RDX: variants seen among roughly 807,000 people sequenced by gnomAD.
RDX encodes deafness, autosomal recessive 24.
Under a neutral mutation model 83.7 loss-of-function variants are expected in RDX, and 32 were observed. The ratio of observed to expected loss-of-function variants is 0.38; its 90% CI spans 0.29 to 0.51. The LOEUF (loss-of-function observed/expected upper bound fraction) is 0.51. RDX is among the 20% of genes least tolerant of loss of function. The pLI is 0.87. For synonymous variants in RDX, 229 were observed against 222.7 expected, an observed-to-expected ratio of 1.03 and a Z score of -0.25; for missense variants, 600 against 689.9, an observed-to-expected ratio of 0.87 and a Z score of 1.46.
intron 1 of RDX, among the ~76,000 whole-genome samples, chr11:110,290,610 T>C (rs990864151): frequency 2.0e-5 from 3 of 152,212 alleles, no homozygotes; most frequent in Middle Eastern, 3.2e-3. Flanking sequence ...CATCTTTCCA[T>C]TCTCAAATGC....
At position 110,257,759 on chromosome 11, in the gene RDX, T is replaced by C; in HGVS notation, c.698+8A>G. ...ATGACTAGTTCACTATGCAACTAATTTACTTACTTGTCGTCATGCTCATAA... is the reference window on the plus strand; with the variant it reads ...ATGACTAGTTCACTATGCAACTAATCTACTTACTTGTCGTCATGCTCATAA... On this transcript the variant is annotated splice_region_variant and intron_variant, in intron 7 of 13. Coordinates refer to ENST00000645495, the MANE Select transcript of RDX (RefSeq NM_002906.4). 1.2e-6 allele frequency: 2 copies of C among 1,611,500 alleles called. No homozygotes were observed. Among genetic ancestry groups the C allele is most frequent in the Non-Finnish European group, 1.7e-6 (2 of 1,179,510 alleles).
At chr11:110,211,932 A>C (rs927317246) in intron 14 of RDX, among the ~76,000 whole-genome samples, 1 of 147,040 alleles carries the variant, frequency 6.8e-6, no homozygotes, top group African/African-American at 2.5e-5. Flanking sequence ...CAACTAGAAA[A>C]GCAAGAGCAA....
At chr11:110,191,937 ATAT>A (rs1453712694) in intron 15 of RDX, among the ~76,000 whole-genome samples, 4 of 152,246 alleles carry the variant, frequency 2.6e-5, no homozygotes, top group Non-Finnish European at 4.4e-5. Context: ...GGAAGAATCA[ATAT>A]TATTAAAATG....
chr11:110,237,434 A>T, intron 11 of RDX, 58 bp downstream of exon 11: 2 of 1,523,026 alleles, frequency 1.3e-6, no homozygotes, highest in Non-Finnish European at 8.9e-7. Context: ...TTTCTTTTTT[A>T]GAGGGTTCAC....
chr11:110,295,933 G>A (rs1341818789), intron 1 of RDX, among the ~76,000 whole-genome samples: 1 of 152,214 alleles, frequency 6.6e-6, no homozygotes, highest in Non-Finnish European at 1.5e-5. Context: ...TTGCCACTGG[G>A]GCGGAACGCA....
chr11:110,209,270 G>T (rs376832661), intron 14 of RDX, among the ~76,000 whole-genome samples: 1,538 of 151,988 alleles, frequency 0.01, 32 homozygotes, highest in African/African-American at 0.034. Flanking sequence ...CGAATACTGC[G>T]CTTTTCCGAC....
Position 110,254,778 on chromosome 11 carries a change from GTTCTTCT to G in RDX, c.795+504_795+510del, listed in dbSNP as rs1009643588. On this transcript the variant is annotated intron_variant, in intron 8 of 13. Coordinates refer to ENST00000645495, the MANE Select transcript of RDX (RefSeq NM_002906.4). ...GGTCCTGAACCATTGCACCCAGCCT[GTTCTTCT>G]TACTTTTACCTTTTCAGTAACTAAC... is the stretch of plus-strand genomic sequence containing the variant. Among the ~76,000 whole-genome samples the G allele has an allele frequency of 1.5e-4, 23 of 152,170 alleles. 1 individual carries two copies. The highest frequency in any genetic ancestry group is 4.1e-4 in the African/African-American group (17 of 41,506).
intron 3 of RDX, among the ~76,000 whole-genome samples, chr11:110,271,561 T>C (rs935070861): frequency 4.6e-5 from 7 of 152,204 alleles, no homozygotes; most frequent in Non-Finnish European, 8.8e-5. Context: ...CAACATTATC[T>C]GGGAAGCTTA....
intron 10 of RDX, among the ~76,000 whole-genome samples, chr11:110,238,348 A>C (rs1179906289): frequency 6.6e-6 from 1 of 152,224 alleles, no homozygotes; most frequent in Non-Finnish European, 1.5e-5. Flanking sequence ...TTCTTATTCC[A>C]ATGAGTTGAA....
intron 15 of RDX, among the ~76,000 whole-genome samples, chr11:110,183,505 G>A (rs1862928578): frequency 6.6e-6 from 1 of 152,142 alleles, no homozygotes; most frequent in Admixed American, 6.5e-5. Context: ...TTATTTTTCT[G>A]TAGAGAAAGT....
intron 9 of RDX, among the ~76,000 whole-genome samples, chr11:110,248,571 A>G (rs1859207310): frequency 6.6e-6 from 1 of 152,224 alleles, no homozygotes; most frequent in African/African-American, 2.4e-5. Flanking sequence ...ATATTCCTGC[A>G]TATAGAACAT....
intron 1 of RDX, among the ~76,000 whole-genome samples, chr11:110,290,662 G>A (rs1322549783): frequency 6.6e-6 from 1 of 152,200 alleles, no homozygotes; most frequent in African/African-American, 2.4e-5. Flanking sequence ...ATGTACGACT[G>A]ACATCTTAAA....
At chr11:110,222,026 T>C (rs1864267791) in intron 14 of RDX, among the ~76,000 whole-genome samples, 2 of 152,184 alleles carry the variant, frequency 1.3e-5, no homozygotes, top group Non-Finnish European at 2.9e-5. Context: ...TATGTCTATA[T>C]ATGTCTTATT....
intron 1 of RDX, among the ~76,000 whole-genome samples, chr11:110,288,095 C>A (rs2134444902): frequency 6.6e-6 from 1 of 152,228 alleles, no homozygotes; most frequent in South Asian, 2.1e-4. Context: ...GGGTGAGAGG[C>A]AGTTTTAAAT....
chr11:110,190,847 T>A (rs943696168), intron 15 of RDX, among the ~76,000 whole-genome samples: 1 of 152,198 alleles, frequency 6.6e-6, no homozygotes, highest in Non-Finnish European at 1.5e-5. Flanking sequence ...CAAGAGGAGA[T>A]GGATAAATTC....
intron 14 of RDX, among the ~76,000 whole-genome samples, chr11:110,203,208 A>T (rs576935526): frequency 6.6e-6 from 1 of 152,306 alleles, no homozygotes; most frequent in African/African-American, 2.4e-5. Flanking sequence ...GTCATTTGCA[A>T]CTACATGGAT....
intron 15 of RDX, among the ~76,000 whole-genome samples, chr11:110,182,983 A>G (rs1389737447): frequency 6.6e-6 from 1 of 152,228 alleles, no homozygotes; most frequent in East Asian, 1.9e-4. Flanking sequence ...CATGCAGCAG[A>G]AAATGGCACA....
At chr11:110,209,459 G>T (rs1003728498) in intron 14 of RDX, among the ~76,000 whole-genome samples, 4 of 152,188 alleles carry the variant, frequency 2.6e-5, no homozygotes, top group South Asian at 2.1e-4. Flanking sequence ...CAAAGCAGCC[G>T]GGAAGCTCGA....
At chr11:110,186,330 T>C (rs1211308563) in intron 15 of RDX, among the ~76,000 whole-genome samples, 1 of 152,144 alleles carries the variant, frequency 6.6e-6, no homozygotes, top group Non-Finnish European at 1.5e-5. Flanking sequence ...GAGCCAAGTA[T>C]GTTCTGTTTC....
Sources: gnomAD v4.1 joint callset for allele counts (sites outside exome capture counted in the v4.1 genomes callset) on GRCh38, gnomAD v4.1.1 for gene constraint, MANE v1.5 for transcripts, NCBI Gene and HGNC (gene_info 2026-07-23, HGNC 2026-07-21) for gene names.